Variants in KIAA2012 observed in about 807,000 individuals in gnomAD.
KIAA2012 encodes uncharacterized protein KIAA2012.
KIAA2012 carries 125 observed loss-of-function variants against 150.6 expected under a neutral mutation model. The ratio of observed to expected loss-of-function variants is 0.83; its 90% confidence interval spans 0.72 to 0.96. The LOEUF is 0.96. KIAA2012 is among the 40% of genes least tolerant of loss of function. The pLI, the probability that KIAA2012 is intolerant of heterozygous loss-of-function variation, is 0.00. For missense variants in KIAA2012, 1,219 were observed against 1,354.9 expected (o/e 0.90, Z 1.57); for synonymous variants, 462 against 504.7 (o/e 0.92, Z 1.13).
chr2:202,085,759 A>C (rs1188113470), intron 2 of KIAA2012, among the ~76,000 whole-genome samples: 1 of 152,176 alleles, frequency 6.6e-6, no homozygotes, highest in African/African-American at 2.4e-5. Flanking sequence ...CCTAAGCAAA[A>C]ATATATGTAA....
chr2:202,132,913 G>A (rs192357239), intron 12 of KIAA2012, among the ~76,000 whole-genome samples: 45,935 of 132,504 alleles, frequency 0.35, 8,334 homozygotes, highest in East Asian at 0.59. Context: ...TGGCTAAGAC[G>A]GTGAAACCCC....
intron 17 of KIAA2012, 122 bp downstream of exon 17, chr2:202,187,220 C>T: frequency 2.8e-6 from 3 of 1,068,106 alleles, no homozygotes; most frequent in South Asian, 3.6e-5. Context: ...ATGAGGGGGG[C>T]ACTGAGGTCC....
chr2:202,180,613 C>T (rs1239899598), intron 15 of KIAA2012, among the ~76,000 whole-genome samples: 3 of 152,080 alleles, frequency 2.0e-5, no homozygotes, highest in Non-Finnish European at 4.4e-5. Context: ...TCACTCGAGG[C>T]CAGGGTTTAA....
chr2:202,080,818 G>A (rs540910732), intron 2 of KIAA2012, among the ~76,000 whole-genome samples: 1 of 152,160 alleles, frequency 6.6e-6, no homozygotes, highest in African/African-American at 2.4e-5. Context: ...AATAAGGTAG[G>A]TGCCTTTTTT....
chr2:202,105,324 A>G (rs1355450236), intron 8 of KIAA2012, among the ~76,000 whole-genome samples: 1 of 152,084 alleles, frequency 6.6e-6, no homozygotes, highest in African/African-American at 2.4e-5. Flanking sequence ...GAATCAGGTA[A>G]CTGCAGGACT....
chr2:202,110,447 A>C (rs1690316152), intron 10 of KIAA2012, among the ~76,000 whole-genome samples: 1 of 152,172 alleles, frequency 6.6e-6, no homozygotes, highest in African/African-American at 2.4e-5. Context: ...CCCCTGAAAA[A>C]TCCCTGGGAA....
At chr2:202,083,741 T>C (rs1689502185) in intron 2 of KIAA2012, among the ~76,000 whole-genome samples, 1 of 120,576 alleles carries the variant, frequency 8.3e-6, no homozygotes, top group Non-Finnish European at 1.6e-5. Flanking sequence ...ACATATTGGT[T>C]ACAAGGATAT....
rs559696790 is a variant in KIAA2012, at chr2:202,150,733, C to A, written c.1909-3940C>A. On this transcript the variant is annotated intron_variant, in intron 13 of 23. Coordinates refer to ENST00000498697, the MANE Select transcript of KIAA2012 (RefSeq NM_001277372.4). ...GCAGTCCTGGGATTACAGGCATAAG[C>A]CACCGCACCTGTCCATTCCATTAGT... Among the ~76,000 whole-genome samples the A allele has an allele frequency of 2.4e-4, 36 of 152,268 alleles. No homozygotes were observed. In the East Asian group the frequency reaches 5.4e-3, roughly 23 times the overall value.
At chr2:202,153,162 T>C (rs1264962641) in intron 13 of KIAA2012, among the ~76,000 whole-genome samples, 1 of 152,168 alleles carries the variant, frequency 6.6e-6, no homozygotes, top group African/African-American at 2.4e-5. Flanking sequence ...CCAATATGTA[T>C]CAAGTGTGTG....
At chr2:202,161,849 TGAACAGAGGAA>T in intron 14 of KIAA2012, among the ~76,000 whole-genome samples, 1 of 152,252 alleles carries the variant, frequency 6.6e-6, no homozygotes, top group East Asian at 1.9e-4. Context: ...ATTAGCTGAA[TGAACAGAGGAA>T]GAGCAAACAA....
At chr2:202,098,667 G>A (rs561021719) in intron 5 of KIAA2012, among the ~76,000 whole-genome samples, 5 of 152,186 alleles carry the variant, frequency 3.3e-5, no homozygotes, top group South Asian at 2.1e-4. Flanking sequence ...TCCAAGAATC[G>A]TAACTAACTT....
intron 22 of KIAA2012, 66 bp downstream of exon 22, chr2:202,197,085 G>C (rs1692430284): frequency 6.5e-7 from 1 of 1,546,074 alleles, no homozygotes; most frequent in Non-Finnish European, 8.7e-7. Context: ...TCCAGTGCTA[G>C]TGCTAGCTTT....
At chr2:202,182,296 A>G (rs1692137797) in intron 15 of KIAA2012, among the ~76,000 whole-genome samples, 1 of 151,522 alleles carries the variant, frequency 6.6e-6, no homozygotes, top group Admixed American at 6.6e-5. Context: ...TTTTTACTAG[A>G]GATGGGGTTT....
At chr2:202,125,077 TA>T (rs1559212867) in intron 11 of KIAA2012, 136 bp from the exon 12 acceptor site, 15 of 709,052 alleles carry the variant, frequency 2.1e-5, no homozygotes, top group East Asian at 2.8e-5. Flanking sequence ...CTCAAAAATT[TA>T]AAAAAAAGAA....
At chr2:202,196,304 C>A (rs1440336533) in intron 21 of KIAA2012, among the ~76,000 whole-genome samples, 1 of 149,286 alleles carries the variant, frequency 6.7e-6, no homozygotes, top group Non-Finnish European at 1.5e-5. Context: ...ACGCCATTCT[C>A]CTGCCTCAGC....
At chr2:202,204,068 G>A (rs1214365644) in intron 23 of KIAA2012, among the ~76,000 whole-genome samples, 3 of 108,450 alleles carry the variant, frequency 2.8e-5, no homozygotes, top group Non-Finnish European at 5.7e-5. Context: ...CGCACCCAGC[G>A]GTTTTTTGTT....
intron 13 of KIAA2012, among the ~76,000 whole-genome samples, chr2:202,141,951 AAG>A (rs1264686499): frequency 6.6e-6 from 1 of 152,244 alleles, no homozygotes; most frequent in African/African-American, 2.4e-5. Context: ...CTAGAAAAAA[AAG>A]TAAAATAGTT....
At chr2:202,170,708 A>G (rs1691868811) in intron 15 of KIAA2012, among the ~76,000 whole-genome samples, 1 of 152,220 alleles carries the variant, frequency 6.6e-6, no homozygotes, top group Non-Finnish European at 1.5e-5. Flanking sequence ...GAGAGAAATC[A>G]GGTAGGGCTT....
chr2:202,148,007 T>C (rs893110741), intron 13 of KIAA2012, among the ~76,000 whole-genome samples: 1 of 152,218 alleles, frequency 6.6e-6, no homozygotes, highest in African/African-American at 2.4e-5. Flanking sequence ...TTGAAATTTT[T>C]CTCCTCCAGC....
Sources: allele counts gnomAD v4.1 joint callset (sites outside exome capture counted in the v4.1 genomes callset), GRCh38; gene constraint gnomAD v4.1.1; transcripts MANE v1.5; gene names NCBI Gene and HGNC (gene_info 2026-07-23, HGNC 2026-07-21).